The following SEC14L5 variants were observed in gnomAD, a reference collection of about 807,000 sequenced individuals.
SEC14L5 encodes the protein SEC14-like protein 5.
SEC14L5 carries 96 observed loss-of-function variants against 84.6 expected under a neutral mutation model. The ratio of observed to expected loss-of-function variants is 1.13; its 90% confidence interval spans 0.96 to 1.34. SEC14L5 has a LOEUF of 1.34. Among genes scored for constraint, SEC14L5 ranks in the 40% most tolerant of loss-of-function variants. SEC14L5 has a pLI of 0.00. For missense variants in SEC14L5, 1,224 were observed against 942.5 expected, an observed-to-expected ratio of 1.30 and a Z score of -3.91; for synonymous variants, 546 against 383.4, an observed-to-expected ratio of 1.42 and a Z score of -4.95.
At chr16:4,967,058 G>A (rs1169917116) in intron 2 of SEC14L5, among the ~76,000 whole-genome samples, 1 of 152,216 alleles carries the variant, frequency 6.6e-6, no homozygotes, top group Non-Finnish European at 1.5e-5. Flanking sequence ...CAAGGTCCAG[G>A]AGACTGTCCC....
intron 2 of SEC14L5, among the ~76,000 whole-genome samples, chr16:4,973,549 C>T (rs542263483): frequency 1.3e-5 from 2 of 152,180 alleles, no homozygotes; most frequent in African/African-American, 2.4e-5. Flanking sequence ...CCCCATGGCA[C>T]AGTCTTCAGA....
intron 2 of SEC14L5, among the ~76,000 whole-genome samples, chr16:4,982,781 G>C (rs1955440267): frequency 6.6e-6 from 1 of 152,200 alleles, no homozygotes; most frequent in African/African-American, 2.4e-5. Context: ...AGGGCACTGA[G>C]AGGTTAAGTA....
chr16:4,965,203 A>G (rs1955182569), intron 2 of SEC14L5, among the ~76,000 whole-genome samples: 1 of 152,136 alleles, frequency 6.6e-6, no homozygotes, highest in African/African-American at 2.4e-5. Context: ...CCTTGTTTTT[A>G]TGGCTAAATA....
intron 2 of SEC14L5, among the ~76,000 whole-genome samples, chr16:4,962,739 T>C (rs1246098283): frequency 6.8e-6 from 1 of 146,990 alleles, no homozygotes; most frequent in African/African-American, 2.5e-5. Flanking sequence ...TTAATTTAAG[T>C]CATTTGTATT....
At position 4,986,142 on chromosome 16, in the gene SEC14L5, C is replaced by CTTT. The variant is rs760379850; in HGVS notation, c.64-1403_64-1401dup. Among the ~76,000 whole-genome samples, 7 of 143,372 alleles carry CTTT rather than the reference C, an allele frequency of 4.9e-5. No individual in the cohort carries two copies. The East Asian group carries it at 1.2e-3, about 25-fold the overall frequency. The allele number at this position is 143,372 out of a possible 152,430, so 94.1% of individuals were successfully genotyped here. On this transcript the variant is annotated intron_variant, in intron 2 of 15. Coordinates refer to ENST00000251170, the MANE Select transcript of SEC14L5 (RefSeq NM_014692.2). The stretch of plus-strand genomic sequence containing the variant: ...CGTGCTGTTATGTCTTCTTCTTCTT[C>CTTT]TTTTTTTTTTTTTTGAGACAGAGTT...
At chr16:4,980,300 C>A (rs146632847) in intron 2 of SEC14L5, among the ~76,000 whole-genome samples, 2 of 152,220 alleles carry the variant, frequency 1.3e-5, no homozygotes, top group African/African-American at 4.8e-5. Context: ...AATGTCCCCC[C>A]GAAACATGTG....
At chr16:4,987,107 G>C (rs191612173) in intron 2 of SEC14L5, among the ~76,000 whole-genome samples, 1 of 152,068 alleles carries the variant, frequency 6.6e-6, no homozygotes, top group Non-Finnish European at 1.5e-5. Flanking sequence ...GATTTTAGGG[G>C]AAAGCACTCA....
chr16:4,966,063 T>A (rs1467631572), intron 2 of SEC14L5, among the ~76,000 whole-genome samples: 1 of 151,968 alleles, frequency 6.6e-6, no homozygotes, highest in Non-Finnish European at 1.5e-5. Flanking sequence ...TTAAAAAAAA[T>A]GTTAAAAATG....
At chr16:5,002,705 C>T (rs1206576157) in intron 10 of SEC14L5, among the ~76,000 whole-genome samples, 2 of 152,142 alleles carry the variant, frequency 1.3e-5, no homozygotes, top group Non-Finnish European at 1.5e-5. Context: ...CCAGCCGCTG[C>T]AGTCAAACAG....
intron 15 of SEC14L5, among the ~76,000 whole-genome samples, chr16:5,013,923 C>A (rs1955838458): frequency 6.6e-6 from 1 of 152,112 alleles, no homozygotes; most frequent in Non-Finnish European, 1.5e-5. Context: ...AAACTCCTGG[C>A]CTCAAGCGAT....
At position 5,008,570 on chromosome 16, in the gene SEC14L5, C is replaced by A. The variant is rs560561533; in HGVS notation, c.1722C>A (p.Ile574=). Residue 574 remains isoleucine, a synonymous_variant, in exon 14 of 16, where the codon ATC becomes ATA. Coordinates refer to ENST00000251170, the MANE Select transcript of SEC14L5 (RefSeq NM_014692.2). The part of the protein sequence containing the change: ...EPGTRASGQL[I]DKGWVLGRDY... ...GGACCAGGGCCAGCGGGCAGCTGAT[C>A]GACAAAGGCTGGGTCCTGGGCAGGG... The A allele has an allele frequency of 2.5e-6, 4 of 1,607,604 alleles. No homozygotes were observed. In the East Asian group the frequency reaches 6.7e-5, roughly 27 times the overall value.
At chr16:4,958,980 G>A (rs1790274039) in intron 1 of SEC14L5, among the ~76,000 whole-genome samples, 2 of 151,942 alleles carry the variant, frequency 1.3e-5, no homozygotes, top group Admixed American at 1.3e-4. Context: ...GTGTGTGTCT[G>A]TGTGGGTGGC....
At chr16:4,998,733 G>C (rs1465584858) in intron 8 of SEC14L5, among the ~76,000 whole-genome samples, 1 of 68,316 alleles carries the variant, frequency 1.5e-5, no homozygotes, top group Non-Finnish European at 2.5e-5. Context: ...GCGAGACTCC[G>C]TCTCAAAAAA....
chr16:4,992,099 C>T (rs1955559409), intron 6 of SEC14L5, 69 bp downstream of exon 6: 1 of 1,145,124 alleles, frequency 8.7e-7, no homozygotes, highest in Non-Finnish European at 1.2e-6. Flanking sequence ...CATGGGGGGC[C>T]CTGGGGCATG....
chr16:4,977,460 A>AGG (rs1955358156), intron 2 of SEC14L5, among the ~76,000 whole-genome samples: 2 of 10,302 alleles, frequency 1.9e-4, no homozygotes, highest in Admixed American at 1.4e-3. Flanking sequence ...AAAAAAAAAA[A>AGG]AAAAAAAAAG....
At chr16:4,987,346 A>T (rs561154382) in intron 2 of SEC14L5, among the ~76,000 whole-genome samples, 7 of 152,176 alleles carry the variant, frequency 4.6e-5, no homozygotes, top group Non-Finnish European at 1.0e-4. Context: ...CTTATGTGCC[A>T]AATCATTGTC....
At chr16:5,010,708 C>G (rs1055511530) in intron 14 of SEC14L5, among the ~76,000 whole-genome samples, 11 of 152,160 alleles carry the variant, frequency 7.2e-5, no homozygotes, top group Non-Finnish European at 1.6e-4. Context: ...CCTGATCCCT[C>G]CACAAATTCT....
chr16:4,995,705 C>A (rs946863545), intron 6 of SEC14L5, among the ~76,000 whole-genome samples: 2 of 150,768 alleles, frequency 1.3e-5, no homozygotes, highest in Non-Finnish European at 2.9e-5. Context: ...TGGCTCACTG[C>A]AACCTCCATC....
rs1955859851 is a variant in SEC14L5, at chr16:5,015,127, C to T, written c.*157C>T. ...GTGTCTGGAGCGGATGGCAAGGATC[C>T]AGAACTGGCCTGTGGGTGGTGTCAG... On this transcript the variant is annotated 3_prime_UTR_variant, in exon 16 of 16. Transcript: ENST00000251170. 6.5e-6 allele frequency: 4 copies of T among 613,586 alleles called. No homozygotes were observed. The East Asian group carries it at 8.3e-5, about 13-fold the overall frequency. 38.0% of individuals were successfully genotyped at this position (613,586 alleles called of 1,614,324 possible).
Sources: allele counts gnomAD v4.1 joint callset (sites outside exome capture counted in the v4.1 genomes callset), GRCh38; gene constraint gnomAD v4.1.1; transcripts MANE v1.5; gene names NCBI Gene and HGNC (gene_info 2026-07-23, HGNC 2026-07-21).